MGAT4C: variants seen among roughly 807,000 people sequenced by gnomAD.
The protein encoded by MGAT4C is alpha-1,3-mannosyl-glycoprotein 4-beta-N-acetylglucosaminyltransferase C.
In MGAT4C, 19 loss-of-function variants were observed where a neutral mutation model predicts 40.1. The ratio of observed to expected loss-of-function variants is 0.47; its 90% CI spans 0.33 to 0.70. The LOEUF (loss-of-function observed/expected upper bound fraction) is 0.70, where lower values mean the gene tolerates loss of function less well. Among genes scored for constraint, MGAT4C ranks in the 30% least tolerant of loss-of-function variants. The pLI is 0.02. For synonymous variants in MGAT4C, 181 were observed against 187.1 expected, an observed-to-expected ratio of 0.97 and a Z score of 0.27; for missense variants, 491 against 563.2, an observed-to-expected ratio of 0.87 and a Z score of 1.30.
intron 2 of MGAT4C, among the ~76,000 whole-genome samples, chr12:86,679,549 A>T (rs527701083): frequency 1.3e-5 from 2 of 151,974 alleles, no homozygotes; most frequent in Non-Finnish European, 2.9e-5. Context: ...CCCAAAATTT[A>T]TATGTTAAAA....
intron 2 of MGAT4C, among the ~76,000 whole-genome samples, chr12:85,994,005 GGGCAGCTGCAGT>G (rs1018327975): frequency 6.6e-6 from 1 of 152,144 alleles, no homozygotes; most frequent in Non-Finnish European, 1.5e-5. Context: ...GCACCTGGGA[GGGCAGCTGCAGT>G]GGCTCCTAGG....
intron 1 of MGAT4C, among the ~76,000 whole-genome samples, chr12:86,734,107 C>T (rs989576952): frequency 2.0e-5 from 3 of 151,622 alleles, no homozygotes; most frequent in Admixed American, 6.6e-5. Flanking sequence ...TCTAGTGTGG[C>T]AAAATTAAAT....
At chr12:86,503,864 TA>T (rs951716924) in intron 2 of MGAT4C, among the ~76,000 whole-genome samples, 15 of 137,130 alleles carry the variant, frequency 1.1e-4, no homozygotes, top group African/African-American at 2.9e-4. Context: ...AAAGCTTCCC[TA>T]AAAAAATAAA....
At chr12:86,411,905 T>A (rs1468037132) in intron 3 of MGAT4C, among the ~76,000 whole-genome samples, 2 of 152,216 alleles carry the variant, frequency 1.3e-5, no homozygotes, top group African/African-American at 4.8e-5. Flanking sequence ...GCTCCCTGCA[T>A]CTCAGCTGCT....
intron 2 of MGAT4C, among the ~76,000 whole-genome samples, chr12:86,702,182 A>G (rs1950374493): frequency 1.3e-5 from 2 of 150,718 alleles, no homozygotes; most frequent in African/African-American, 4.9e-5. Flanking sequence ...TTGCAAGTGC[A>G]TGCCACCACA....
intron 1 of MGAT4C, among the ~76,000 whole-genome samples, chr12:86,125,738 T>G (rs1476317227): frequency 6.6e-6 from 1 of 152,116 alleles, no homozygotes; most frequent in Admixed American, 6.5e-5. Context: ...TAGAGCAAGT[T>G]GTATGTGATA....
At chr12:86,289,623 C>T (rs1953451937) in intron 4 of MGAT4C, among the ~76,000 whole-genome samples, 1 of 152,092 alleles carries the variant, frequency 6.6e-6, no homozygotes, top group Non-Finnish European at 1.5e-5. Flanking sequence ...TCATTCACCT[C>T]CCTGGCTAGC....
At chr12:86,323,316 A>G (rs1954441127) in intron 4 of MGAT4C, among the ~76,000 whole-genome samples, 1 of 151,790 alleles carries the variant, frequency 6.6e-6, no homozygotes, top group South Asian at 2.1e-4. Context: ...ATGAATTCAG[A>G]GTAAATTATT....
At chr12:86,816,434 T>A (rs1952608185) in intron 1 of MGAT4C, among the ~76,000 whole-genome samples, 1 of 151,790 alleles carries the variant, frequency 6.6e-6, no homozygotes, top group Admixed American at 6.6e-5. Flanking sequence ...TATACATTGC[T>A]GGTATAGGTT....
intron 1 of MGAT4C, among the ~76,000 whole-genome samples, chr12:86,245,189 G>A (rs1951972310): frequency 6.6e-6 from 1 of 152,146 alleles, no homozygotes; most frequent in Admixed American, 6.5e-5. Context: ...CCTATGGGTA[G>A]AAATCCACCA....
chr12:86,257,750 G>A (rs1247263138), upstream of MGAT4C, among the ~76,000 whole-genome samples: 1 of 152,114 alleles, frequency 6.6e-6, no homozygotes, highest in African/African-American at 2.4e-5. Context: ...TGACTTTTAT[G>A]ATAGTCAGTT....
At position 85,969,222 on chromosome 12, in the gene MGAT4C, G is replaced by A. The variant is rs1468923937; in HGVS notation, c.*10067C>T. The A allele has an allele frequency of 6.6e-6, 1 of 151,666 alleles. No homozygotes were observed. The highest frequency in any genetic ancestry group is 1.9e-4 in the East Asian group (1 of 5,182). 9.4% of individuals were successfully genotyped at this position (151,666 alleles called of 1,614,324 possible). A position where few individuals can be genotyped will look rare whatever the true frequency, so the allele number is the denominator to read the frequency against. ...TCATAGGTAATGGAAGTACCGATTA[G>A]GAGAGTACCAAATACATATTAAACA... On this transcript the variant is annotated 3_prime_UTR_variant, in exon 5 of 5. Coordinates refer to ENST00000611864, the MANE Select transcript of MGAT4C (RefSeq NM_001351288.2).
chr12:86,186,759 T>C (rs144529695), intron 1 of MGAT4C, among the ~76,000 whole-genome samples: 6 of 152,186 alleles, frequency 3.9e-5, no homozygotes, highest in Admixed American at 2.0e-4. Context: ...TTATCATGAG[T>C]AGAGTCTGCA....
At chr12:86,618,323 T>C (rs929932037) in intron 2 of MGAT4C, among the ~76,000 whole-genome samples, 3 of 152,308 alleles carry the variant, frequency 2.0e-5, no homozygotes, top group South Asian at 4.1e-4. Flanking sequence ...ATCTCACTAC[T>C]GGGTATTTTA....
chr12:86,691,868 T>C (rs1950179268), intron 2 of MGAT4C, among the ~76,000 whole-genome samples: 2 of 152,088 alleles, frequency 1.3e-5, no homozygotes, highest in Non-Finnish European at 2.9e-5. Context: ...TTAAAATATC[T>C]GCATTAAAGT....
At chr12:86,140,974 T>G (rs938585930) in intron 1 of MGAT4C, among the ~76,000 whole-genome samples, 1 of 152,194 alleles carries the variant, frequency 6.6e-6, no homozygotes, top group Non-Finnish European at 1.5e-5. Context: ...GCCATGATCT[T>G]CTTTGACCAA....
intron 2 of MGAT4C, among the ~76,000 whole-genome samples, chr12:86,608,386 C>T (rs1962118756): frequency 1.3e-5 from 2 of 151,958 alleles, no homozygotes; most frequent in Admixed American, 6.6e-5. Context: ...CGAGACCAGC[C>T]TGGGCAATAT....
intron 1 of MGAT4C, among the ~76,000 whole-genome samples, chr12:86,151,597 A>G (rs1884292186): frequency 6.7e-6 from 1 of 148,988 alleles, no homozygotes. Flanking sequence ...CTCTGTCTCA[A>G]AAAGAAAAAA....
chr12:86,039,946 T>C (rs1400600606), intron 2 of MGAT4C, among the ~76,000 whole-genome samples: 4 of 152,322 alleles, frequency 2.6e-5, no homozygotes, highest in African/African-American at 7.2e-5. Flanking sequence ...TACTATTCCT[T>C]TCTGTTTGTT....
Sources: allele counts gnomAD v4.1 joint callset (sites outside exome capture counted in the v4.1 genomes callset), GRCh38; gene constraint gnomAD v4.1.1; transcripts MANE v1.5; gene names NCBI Gene and HGNC (gene_info 2026-07-23, HGNC 2026-07-21).